Variants in AGT observed in about 807,000 individuals in gnomAD.
AGT encodes alpha-1 antiproteinase, antitrypsin.
In AGT, 26 loss-of-function variants were observed where a neutral mutation model predicts 28.1. The observed-to-expected ratio is 0.92, with a 90% CI of 0.68 to 1.28. The LOEUF (loss-of-function observed/expected upper bound fraction) is 1.28, where lower values mean the gene tolerates loss of function less well. Among genes scored for constraint, AGT ranks in the 50% most tolerant of loss-of-function variants. AGT has a pLI of 0.00. For synonymous variants in AGT, 259 were observed against 259.6 expected, an observed-to-expected ratio of 1.00 and a Z score of 0.02; for missense variants, 596 against 592.3, an observed-to-expected ratio of 1.01 and a Z score of -0.06.
intron 1 of AGT, among the ~76,000 whole-genome samples, chr1:230,733,480 C>A (rs1384972085): frequency 6.6e-6 from 1 of 152,088 alleles, no homozygotes; most frequent in Non-Finnish European, 1.5e-5. Context: ...CTCCAGTGAG[C>A]GCCTTTAGTT....
chr1:230,735,584 A>C (rs986171655), intron 1 of AGT, among the ~76,000 whole-genome samples: 23 of 151,776 alleles, frequency 1.5e-4, no homozygotes, highest in Non-Finnish European at 2.9e-4. Context: ...CCCTGGGCTG[A>C]CTCACCTGGT....
intron 1 of AGT, among the ~76,000 whole-genome samples, chr1:230,736,856 C>T (rs1447132025): frequency 6.6e-6 from 1 of 152,082 alleles, no homozygotes; most frequent in East Asian, 1.9e-4. Context: ...CTGTGGGAGG[C>T]ATCTATCCCT....
rs1315733599 is a variant in AGT at position 230,710,283 on chromosome 1, G to A, written c.541C>T (p.Leu181=). The part of the protein sequence containing the change: ...VLSALQAVQG[L]LVAQGRADSQ... Reference sequence around the variant, plus strand: ...TCAGCCCTGCCCTGGGCCACTAGCAGGCCCTGTACAGCCTGCAGGGCAGAC... The same window carrying A: ...TCAGCCCTGCCCTGGGCCACTAGCAAGCCCTGTACAGCCTGCAGGGCAGAC... The change falls in exon 2 of 5, where the codon CTG becomes TTG. Residue 181 remains leucine, a synonymous_variant. Coordinates refer to ENST00000366667, the MANE Select transcript of AGT (RefSeq NM_001384479.1). 2 of 1,613,824 alleles carry A rather than the reference G, an allele frequency of 1.2e-6. No homozygotes were observed. The highest frequency in any genetic ancestry group is 1.7e-6 in the Non-Finnish European group (2 of 1,180,040).
intron 3 of AGT, among the ~76,000 whole-genome samples, chr1:230,705,061 G>A (rs574421780): frequency 5.9e-5 from 9 of 152,248 alleles, no homozygotes; most frequent in Middle Eastern, 3.4e-3. Context: ...GGTGAACCTC[G>A]AGGACATCGT....
chr1:230,707,050 C>A (rs1034807013), intron 2 of AGT, among the ~76,000 whole-genome samples: 1 of 152,224 alleles, frequency 6.6e-6, no homozygotes, highest in African/African-American at 2.4e-5. Flanking sequence ...GGGAGACTCA[C>A]ACAACCTCGT....
intron 2 of AGT, among the ~76,000 whole-genome samples, chr1:230,707,249 T>C (rs995862225): frequency 1.3e-5 from 2 of 152,198 alleles, no homozygotes; most frequent in African/African-American, 4.8e-5. Flanking sequence ...TGCCTCGACC[T>C]TACACTAGCA....
chr1:230,718,724 T>C (rs1371084807), upstream of AGT, among the ~76,000 whole-genome samples: 1 of 141,108 alleles, frequency 7.1e-6, no homozygotes, highest in African/African-American at 2.6e-5. Flanking sequence ...CCACACCGCT[T>C]TTTTTTTTTT....
intron 2 of AGT, among the ~76,000 whole-genome samples, chr1:230,708,563 T>C (rs1055044979): frequency 3.3e-5 from 5 of 152,088 alleles, no homozygotes; most frequent in African/African-American, 1.2e-4. Context: ...AAGGAGGTTG[T>C]TGTGGTAAGA....
intron 4 of AGT, among the ~76,000 whole-genome samples, chr1:230,703,708 C>T (rs950269343): frequency 5.3e-5 from 8 of 152,294 alleles, no homozygotes; most frequent in Admixed American, 1.3e-4. Context: ...CGCTGGCCCC[C>T]GTAAGAACTC....
chr1:230,744,312 T>G (rs117112595), intron 1 of AGT, among the ~76,000 whole-genome samples: 1 of 152,316 alleles, frequency 6.6e-6, no homozygotes, highest in East Asian at 1.9e-4. Flanking sequence ...AGGCATTGGT[T>G]CAATGTTTAC....
intron 1 of AGT, among the ~76,000 whole-genome samples, chr1:230,711,788 AT>A (rs1281481484): frequency 2.0e-5 from 3 of 149,318 alleles, no homozygotes; most frequent in Non-Finnish European, 4.4e-5. Context: ...TGATAGTTGG[AT>A]TCCTTAGTCT....
At chr1:230,709,630 G>A (rs1054662191) in intron 2 of AGT, among the ~76,000 whole-genome samples, 4 of 151,728 alleles carry the variant, frequency 2.6e-5, no homozygotes, top group Non-Finnish European at 5.9e-5. Context: ...GGAGATGTGG[G>A]TTTCAATCCC....
intron 1 of AGT, among the ~76,000 whole-genome samples, chr1:230,725,379 A>G (rs1663921878): frequency 6.6e-6 from 1 of 152,162 alleles, no homozygotes; most frequent in Admixed American, 6.5e-5. Flanking sequence ...GAAAGTAGAG[A>G]CACAAAGTAC....
intron 2 of AGT, among the ~76,000 whole-genome samples, chr1:230,707,126 T>C (rs1489176187): frequency 2.0e-5 from 3 of 152,222 alleles, no homozygotes; most frequent in Non-Finnish European, 2.9e-5. Flanking sequence ...CCCCTCCTGC[T>C]CACAGGGCCG....
At chr1:230,730,081 C>T (rs953882704) in intron 1 of AGT, among the ~76,000 whole-genome samples, 12 of 151,906 alleles carry the variant, frequency 7.9e-5, no homozygotes, top group Admixed American at 5.9e-4. Context: ...GTGATCCGCC[C>T]GGCTAATTTT....
At chr1:230,725,075 T>C (rs971762945) in intron 1 of AGT, among the ~76,000 whole-genome samples, 2 of 152,146 alleles carry the variant, frequency 1.3e-5, no homozygotes, top group Non-Finnish European at 2.9e-5. Flanking sequence ...AAATTACTTT[T>C]CAGAAATAAA....
intron 1 of AGT, among the ~76,000 whole-genome samples, chr1:230,745,371 G>C (rs1224150789): frequency 6.6e-6 from 1 of 152,194 alleles, no homozygotes; most frequent in East Asian, 1.9e-4. Context: ...CTGATTCACA[G>C]CTTGGAAGCA....
At position 230,702,855 on chromosome 1, in the gene AGT, G is replaced by T. The variant is rs949316455; in HGVS notation, c.*286C>A. 3 of 457,686 alleles carry T rather than the reference G, an allele frequency of 6.6e-6. No individual in the cohort carries two copies. In the Admixed American group the frequency reaches 1.0e-4, roughly 16 times the overall value. The allele number at this position is 457,686 out of a possible 1,614,324, so 28.4% of individuals were successfully genotyped here. A position where few individuals can be genotyped will look rare whatever the true frequency, so the allele number is the denominator to read the frequency against. ...ATTCTTTTTGGAACAGTAGTCCCGC[G>T]CTAAACACTGGTTCTTGCCTCCCCA... On this transcript the variant is annotated 3_prime_UTR_variant, in exon 5 of 5. Transcript: ENST00000366667.
Position 230,704,202 on chromosome 1 carries a change from C to T in AGT, c.1233G>A (p.Arg411=), listed in dbSNP as rs769760156. The T allele has an allele frequency of 1.1e-5, 17 of 1,614,130 alleles. No individual in the cohort carries two copies. Among genetic ancestry groups the T allele is most frequent in the Non-Finnish European group, 1.3e-5 (15 of 1,180,048 alleles). The change falls in exon 4 of 5, where the codon AGG becomes AGA. Residue 411 remains arginine (R), a synonymous_variant. Transcript: ENST00000366667. ...ACAGGCTCACACATACCTCCCCCAC[C>T]CTGATGCGGTCATTGCTCAATTTTT... ...NLQKLSNDRI[R]VGEVLNSIFF... is the part of the protein sequence containing the mutation.
Sources: allele counts gnomAD v4.1 joint callset (sites outside exome capture counted in the v4.1 genomes callset), GRCh38; gene constraint gnomAD v4.1.1; transcripts MANE v1.5; gene names NCBI Gene and HGNC (gene_info 2026-07-23, HGNC 2026-07-21).